CNTN5: variants seen among roughly 807,000 people sequenced by gnomAD.
CNTN5 encodes the protein contactin-5.
Under a neutral mutation model 129.1 loss-of-function variants are expected in CNTN5, and 77 were observed. The ratio of observed to expected loss-of-function variants is 0.60; its 90% CI spans 0.50 to 0.72. CNTN5 has a LOEUF of 0.72. Among genes scored for constraint, CNTN5 ranks in the 30% least tolerant of loss-of-function variants. The probability of loss-of-function intolerance (pLI) is 0.00; values close to 1 mark genes in which losing one functional copy is unlikely to be tolerated. For synonymous variants in CNTN5, 509 were observed against 465.6 expected, an observed-to-expected ratio of 1.09 and a Z score of -1.20; for missense variants, 1,478 against 1,328.8, an observed-to-expected ratio of 1.11 and a Z score of -1.75.
At chr11:100,284,201 A>C (rs944956040) in intron 18 of CNTN5, among the ~76,000 whole-genome samples, 69 of 152,208 alleles carry the variant, frequency 4.5e-4, no homozygotes, top group African/African-American at 1.6e-3. Context: ...TCTTTCAGCA[A>C]TATGAAGTTT....
In CNTN5 at chr11:99,110,303, T is replaced by C. The variant is rs545828924; in HGVS notation, c.-210+89033T>C. Among the ~76,000 whole-genome samples, 20 of 152,248 alleles carry C rather than the reference T, an allele frequency of 1.3e-4. 1 individual carries two copies. The highest frequency in any genetic ancestry group is 1.9e-4 in the Non-Finnish European group (13 of 67,986). On this transcript the variant is annotated intron_variant, in intron 1 of 24. Coordinates refer to ENST00000524871, the MANE Select transcript of CNTN5 (RefSeq NM_014361.4). ...TTAAAAACTGTGCCAAGTGTTTGGA[T>C]TATGGACTGGGGAGTGGTGAAAAGA...
chr11:99,441,123 C>T (rs1344858899), intron 2 of CNTN5, among the ~76,000 whole-genome samples: 1 of 152,086 alleles, frequency 6.6e-6, no homozygotes, highest in African/African-American at 2.4e-5. Context: ...CCTGGAAATA[C>T]TTTGTATTTG....
chr11:99,144,672 A>G (rs545871456), intron 1 of CNTN5, among the ~76,000 whole-genome samples: 13 of 152,236 alleles, frequency 8.5e-5, no homozygotes, highest in African/African-American at 3.1e-4. Context: ...CTTCAAGTTC[A>G]GAAATTGTTT....
At chr11:100,131,242 G>A (rs780399333) in intron 13 of CNTN5, among the ~76,000 whole-genome samples, 2 of 152,050 alleles carry the variant, frequency 1.3e-5, no homozygotes, top group Non-Finnish European at 2.9e-5. Context: ...AGGAGACAGA[G>A]GATAGTGGCA....
intron 3 of CNTN5, among the ~76,000 whole-genome samples, chr11:99,600,470 A>G (rs1401430855): frequency 6.6e-6 from 1 of 152,166 alleles, no homozygotes; most frequent in Non-Finnish European, 1.5e-5. Flanking sequence ...GGGAAAGGCC[A>G]AGGACTAACT....
chr11:100,357,060 A>G lies in CNTN5; in HGVS notation c.*840A>G, dbSNP rs571197361. On this transcript the variant is annotated 3_prime_UTR_variant, in exon 25 of 25. Transcript: ENST00000524871. ...GTGCTAACTTAAAAATGAGATGAATATGGGACAGAGCGTTTCCATTTCTTT... is the reference window on the plus strand; with the variant it reads ...GTGCTAACTTAAAAATGAGATGAATGTGGGACAGAGCGTTTCCATTTCTTT... The G allele has an allele frequency of 3.3e-5, 5 of 151,874 alleles. No individual in the cohort carries two copies. The highest frequency in any genetic ancestry group is 1.2e-4 in the African/African-American group (5 of 41,536). The allele number at this position is 151,874 out of a possible 1,614,324, so 9.4% of individuals were successfully genotyped here. A position where few individuals can be genotyped will look rare whatever the true frequency, so the allele number is the denominator to read the frequency against.
intron 4 of CNTN5, among the ~76,000 whole-genome samples, chr11:99,820,933 A>G (rs1201094218): frequency 6.6e-6 from 1 of 152,230 alleles, no homozygotes; most frequent in African/African-American, 2.4e-5. Context: ...AGGCAAACTT[A>G]TCCTTTGTGA....
intron 8 of CNTN5, among the ~76,000 whole-genome samples, chr11:99,988,286 G>A (rs974845754): frequency 6.6e-6 from 1 of 152,174 alleles, no homozygotes; most frequent in Non-Finnish European, 1.5e-5. Flanking sequence ...TATTAACAAT[G>A]GTTTAAAACA....
intron 21 of CNTN5, among the ~76,000 whole-genome samples, chr11:100,319,441 C>G (rs1951639928): frequency 6.6e-6 from 1 of 152,152 alleles, no homozygotes; most frequent in South Asian, 2.1e-4. Flanking sequence ...GCATGAGCCA[C>G]TGTGCCCAGC....
At chr11:99,967,941 G>T (rs991592637) in intron 8 of CNTN5, among the ~76,000 whole-genome samples, 1 of 152,072 alleles carries the variant, frequency 6.6e-6, no homozygotes. Context: ...TTTAAAAATG[G>T]TACAAGTATT....
At chr11:99,173,926 T>C (rs1857648316) in intron 1 of CNTN5, among the ~76,000 whole-genome samples, 1 of 152,254 alleles carries the variant, frequency 6.6e-6, no homozygotes, top group African/African-American at 2.4e-5. Flanking sequence ...AAGAGCTATT[T>C]AGGAGGTTAA....
At chr11:100,217,608 A>G (rs1481980513) in intron 15 of CNTN5, among the ~76,000 whole-genome samples, 1 of 152,140 alleles carries the variant, frequency 6.6e-6, no homozygotes, top group Admixed American at 6.5e-5. Flanking sequence ...CTTCAATGAG[A>G]GGTATTTTAT....
chr11:100,048,079 C>T (rs1482213940), intron 9 of CNTN5, among the ~76,000 whole-genome samples: 3 of 152,036 alleles, frequency 2.0e-5, no homozygotes, highest in Admixed American at 1.3e-4. Flanking sequence ...TGCAGTGAGT[C>T]GAGATCGCGC....
At chr11:99,469,102 G>A (rs1345078283) in intron 2 of CNTN5, among the ~76,000 whole-genome samples, 2 of 152,084 alleles carry the variant, frequency 1.3e-5, no homozygotes, top group African/African-American at 4.8e-5. Flanking sequence ...TAAAAGAAAA[G>A]AGCTGTAAGT....
chr11:100,002,358 A>G (rs992591798), intron 9 of CNTN5, among the ~76,000 whole-genome samples: 1 of 151,926 alleles, frequency 6.6e-6, no homozygotes, highest in Non-Finnish European at 1.5e-5. Context: ...CTATTTTAAC[A>G]TAAAAAAACT....
At chr11:99,215,380 T>C (rs1860062743) in intron 1 of CNTN5, among the ~76,000 whole-genome samples, 1 of 152,120 alleles carries the variant, frequency 6.6e-6, no homozygotes, top group African/African-American at 2.4e-5. Flanking sequence ...TTTGCTTGGA[T>C]AACAGCTGAA....
At chr11:99,796,654 C>G (rs1945952167) in intron 3 of CNTN5, among the ~76,000 whole-genome samples, 1 of 151,662 alleles carries the variant, frequency 6.6e-6, no homozygotes, top group Non-Finnish European at 1.5e-5. Flanking sequence ...GGGGGCTGCT[C>G]TGGTAGAACT....
chr11:99,470,329 C>T (rs1945123231), intron 2 of CNTN5, among the ~76,000 whole-genome samples: 1 of 152,148 alleles, frequency 6.6e-6, no homozygotes, highest in African/African-American at 2.4e-5. Flanking sequence ...ACATATTTAA[C>T]TGTATTTTCA....
chr11:100,296,782 G>T (rs1305232139), intron 18 of CNTN5, among the ~76,000 whole-genome samples: 1 of 151,456 alleles, frequency 6.6e-6, no homozygotes, highest in African/African-American at 2.4e-5. Flanking sequence ...TTCATTCCAA[G>T]TAAGTAATAT....
Sources: allele counts gnomAD v4.1 joint callset (sites outside exome capture counted in the v4.1 genomes callset), GRCh38; gene constraint gnomAD v4.1.1; transcripts MANE v1.5; gene names NCBI Gene and HGNC (gene_info 2026-07-23, HGNC 2026-07-21).